Variants in RASAL1 observed in about 807,000 individuals in gnomAD.
The protein encoded by RASAL1 is rasGAP-activating-like protein 1.
In RASAL1, 72 loss-of-function variants were observed where a neutral mutation model predicts 96.6. The observed-to-expected ratio is 0.75, with a 90% CI of 0.62 to 0.91. The LOEUF (loss-of-function observed/expected upper bound fraction) is 0.91. RASAL1 is among the 40% of genes least tolerant of loss of function. RASAL1 has a pLI of 0.00. For synonymous variants in RASAL1, 405 were observed against 430.4 expected, an observed-to-expected ratio of 0.94 and a Z score of 0.73; for missense variants, 1,016 against 1,072.5, an observed-to-expected ratio of 0.95 and a Z score of 0.74.
intron 18 of RASAL1, among the ~76,000 whole-genome samples, chr12:113,102,471 T>C (rs1407783378): frequency 6.6e-6 from 1 of 151,988 alleles, no homozygotes; most frequent in East Asian, 1.9e-4. Flanking sequence ...GGCAGGAGAA[T>C]CTCTTGAACC....
At chr12:113,124,411 A>G (rs1208388459) in intron 4 of RASAL1, among the ~76,000 whole-genome samples, 2 of 152,130 alleles carry the variant, frequency 1.3e-5, no homozygotes, top group Non-Finnish European at 2.9e-5. Flanking sequence ...ACATGCTTGC[A>G]GACACATGGA....
rs1344493958 is a variant in RASAL1, at chr12:113,112,024, C to T, written c.1374+62G>A. The T allele has an allele frequency of 1.3e-5, 16 of 1,218,118 alleles. No individual in the cohort carries two copies. The Admixed American group carries it at 3.0e-4, about 23-fold the overall frequency. The allele number at this position is 1,218,118 out of a possible 1,614,324, so 75.5% of individuals were successfully genotyped here. A position where few individuals can be genotyped will look rare whatever the true frequency, so the allele number is the denominator to read the frequency against. On this transcript the variant is annotated intron_variant, in intron 13 of 20. Transcript: ENST00000548055. ...TCTGGTCACAGTTCTGTCCTGACTCCTCCGAGTGACCCCGGACAAGCTCCG... is the reference window on the plus strand; with the variant it reads ...TCTGGTCACAGTTCTGTCCTGACTCTTCCGAGTGACCCCGGACAAGCTCCG...
At chr12:113,119,006 A>T (rs1021788604) in intron 7 of RASAL1, 122 bp downstream of exon 7, 2 of 1,246,032 alleles carry the variant, frequency 1.6e-6, no homozygotes, top group African/African-American at 3.0e-5. Flanking sequence ...TAACCAGGGG[A>T]ACCTGATGAG....
chr12:113,104,434 T>C, intron 16 of RASAL1, 136 bp from the exon 17 acceptor site: 2 of 794,754 alleles, frequency 2.5e-6, no homozygotes, highest in East Asian at 5.5e-5. Context: ...CTGTGCTCTG[T>C]GTGCTCGTCC....
At chr12:113,106,956 G>T in intron 15 of RASAL1, 141 bp downstream of exon 15, 1 of 972,374 alleles carries the variant, frequency 1.0e-6, no homozygotes. Flanking sequence ...GCCTAGCACA[G>T]TAAGTATCAG....
chr12:113,107,189 A>G lies in RASAL1; in HGVS notation c.1565T>C (p.Leu522Pro). 6.2e-7 allele frequency: 1 copy of G among 1,613,684 alleles called. No homozygotes were observed. The highest frequency in any genetic ancestry group is 8.5e-7 in the Non-Finnish European group (1 of 1,179,754). Residue 522 changes from leucine (L) to proline (P), a missense_variant, in exon 15 of 21, where the codon CTG becomes CCG. By Grantham distance (98) the Leu-to-Pro change is moderately conservative (BLOSUM62 -3). Coordinates refer to ENST00000548055, the MANE Select transcript of RASAL1 (RefSeq NM_001301202.2). ...GAAGGGGTGCAGGGGGGCCATCCACAGTTCCTTGCCTTGGCCCAGCTGCTG... is the reference window on the plus strand; with the variant it reads ...GAAGGGGTGCAGGGGGGCCATCCACGGTTCCTTGCCTTGGCCCAGCTGCTG... Reference protein sequence around the residue: ...LGQQLGQGKELWMAPLHPFLL... With the variant: ...LGQQLGQGKEPWMAPLHPFLL...
At chr12:113,122,004 T>C (rs1027233864) in intron 4 of RASAL1, among the ~76,000 whole-genome samples, 2 of 152,162 alleles carry the variant, frequency 1.3e-5, no homozygotes, top group Non-Finnish European at 2.9e-5. Context: ...ATTACAGGCA[T>C]GAGCCACTAT....
chr12:113,114,153 C>T (rs1950973235), intron 12 of RASAL1, among the ~76,000 whole-genome samples: 1 of 152,114 alleles, frequency 6.6e-6, no homozygotes, highest in Admixed American at 6.5e-5. Context: ...AACATTGGAT[C>T]AATATTTTAG....
At position 113,103,997 on chromosome 12, in the gene RASAL1, C is replaced by CG; in HGVS notation, c.2052dup (p.Gly685ArgfsTer15). ...GTCCAGCGCGCGCTGCGGAAGGCAC[C>CG]GGGGTGGCAGGCGGCCAGCTTGTTC... is the stretch of plus-strand genomic sequence containing the variant. On this transcript the variant is annotated frameshift_variant, in exon 18 of 21. Coordinates refer to ENST00000548055, the MANE Select transcript of RASAL1 (RefSeq NM_001301202.2). LOFTEE classifies it high-confidence loss of function. 1 of 1,559,062 alleles carries CG rather than the reference C, an allele frequency of 6.4e-7. No individual in the cohort carries two copies. Among genetic ancestry groups the CG allele is most frequent in the Non-Finnish European group, 8.7e-7 (1 of 1,149,836 alleles).
intron 12 of RASAL1, among the ~76,000 whole-genome samples, chr12:113,113,647 G>A (rs1233238118): frequency 6.6e-6 from 1 of 152,224 alleles, no homozygotes; most frequent in Non-Finnish European, 1.5e-5. Context: ...GTAAGAGGGG[G>A]TCATGATGCC....
chr12:113,135,388 G>A lies in RASAL1; in HGVS notation c.65+10C>T, dbSNP rs371581968. ...CGCCCCTCACCCAGAAGCGCCCGAG[G>A]AGTACTCACACGTCCTTGGCAGGCA... On this transcript the variant is annotated intron_variant, in intron 1 of 20. Coordinates refer to ENST00000548055, the MANE Select transcript of RASAL1 (RefSeq NM_001301202.2). This position sits in a 1 kb window ranked among gnomAD's most constrained non-coding sequence, Gnocchi z 5.7. 3.1e-6 allele frequency: 5 copies of A among 1,606,324 alleles called. No individual in the cohort carries two copies. In the South Asian group the frequency reaches 3.3e-5, roughly 11 times the overall value.
At chr12:113,100,301 T>G (rs1049014495) in intron 20 of RASAL1, among the ~76,000 whole-genome samples, 5 of 152,122 alleles carry the variant, frequency 3.3e-5, no homozygotes, top group Non-Finnish European at 5.9e-5. Flanking sequence ...CCCCTTAGCT[T>G]CTTTTTTTGG....
At chr12:113,107,397 C>A in intron 14 of RASAL1, 156 bp from the exon 15 acceptor site, 2 of 864,232 alleles carry the variant, frequency 2.3e-6, no homozygotes, top group African/African-American at 1.7e-5. Context: ...CCGAAGTAAG[C>A]GGATCACTTG....
intron 16 of RASAL1, among the ~76,000 whole-genome samples, chr12:113,104,681 T>C (rs927357284): frequency 6.6e-6 from 1 of 151,924 alleles, no homozygotes; most frequent in Non-Finnish European, 1.5e-5. Flanking sequence ...TTTGTATTTT[T>C]AGTAGAGACG....
rs1180905414 is a variant in RASAL1, at chr12:113,129,795, C to T, written c.122+1090G>A. Among the ~76,000 whole-genome samples the T allele has an allele frequency of 6.6e-6, 1 of 152,220 alleles. No individual in the cohort carries two copies. Among genetic ancestry groups the T allele is most frequent in the Non-Finnish European group, 1.5e-5 (1 of 68,028 alleles). On this transcript the variant is annotated intron_variant, in intron 2 of 20. Coordinates refer to ENST00000548055, the MANE Select transcript of RASAL1 (RefSeq NM_001301202.2). The surrounding 1 kb of genome is among the most constrained non-coding windows in gnomAD (Gnocchi z 5.0). ...AACCTCAGATGGACCCCCAGTGCTT[C>T]CTCCCAAATACCCTCTTCCCCCAAC...
chr12:113,135,717 G>A lies in RASAL1; in HGVS notation c.-255C>T, dbSNP rs1314825461. 2 of 390,180 alleles carry A rather than the reference G, an allele frequency of 5.1e-6. No individual in the cohort carries two copies. Among genetic ancestry groups the A allele is most frequent in the Non-Finnish European group, 4.6e-6 (1 of 216,064 alleles). The allele number at this position is 390,180 out of a possible 1,614,324, so 24.2% of individuals were successfully genotyped here. A position where few individuals can be genotyped will look rare whatever the true frequency, so the allele number is the denominator to read the frequency against. On this transcript the variant is annotated 5_prime_UTR_variant, in exon 1 of 21. Transcript: ENST00000548055. This position sits in a 1 kb window ranked among gnomAD's most constrained non-coding sequence, Gnocchi z 5.7. ...AGGAGGAGCGCGCAGGGGGCGCAGCGGGCTCTTGCCGAGGCGTCTGGAGCT... is the reference window on the plus strand; with the variant it reads ...AGGAGGAGCGCGCAGGGGGCGCAGCAGGCTCTTGCCGAGGCGTCTGGAGCT...
chr12:113,110,231 C>A (rs1950819393), intron 13 of RASAL1, among the ~76,000 whole-genome samples: 1 of 152,176 alleles, frequency 6.6e-6, no homozygotes, highest in African/African-American at 2.4e-5. Flanking sequence ...AGGGGAGAGA[C>A]CCCAGCTGGG....
intron 13 of RASAL1, among the ~76,000 whole-genome samples, chr12:113,109,041 GTGT>G (rs1450878443): frequency 8.5e-4 from 33 of 39,024 alleles, no homozygotes; most frequent in Admixed American, 2.1e-3. Flanking sequence ...TTTTTTGTGT[GTGT>G]TTTTTTTTTT....
chr12:113,104,263 G>T lies in RASAL1; in HGVS notation c.1866C>A (p.Ala622=), dbSNP rs141550692. The T allele has an allele frequency of 3.1e-6, 5 of 1,589,208 alleles. No individual in the cohort carries two copies. The highest frequency in any genetic ancestry group is 1.7e-6 in the Non-Finnish European group (2 of 1,167,968). ...AGGCGCCCTCGTCTACGCGCTCCAC[G>T]GCGCGGATGTGAGACACGGGGATGG... is the stretch of plus-strand genomic sequence containing the variant. The part of the protein sequence containing the change: ...CHSIPVSHIR[A]VERVDEGAFQ... The change falls in exon 17 of 21, where the codon GCC becomes GCA. Residue 622 remains alanine, a synonymous_variant. Transcript: ENST00000548055.
Sources: gnomAD v4.1 joint callset for allele counts (sites outside exome capture counted in the v4.1 genomes callset) on GRCh38, gnomAD v4.1.1 for gene constraint, Gnocchi (gnomAD v3.1) non-coding constraint, MANE v1.5 for transcripts, NCBI Gene and HGNC (gene_info 2026-07-23, HGNC 2026-07-21) for gene names.